Variants in AUTS2 observed in about 807,000 individuals in gnomAD.
The protein encoded by AUTS2 is activator of transcription and developmental regulator AUTS2.
A neutral mutation model predicts 112.4 loss-of-function variants in AUTS2; 17 were observed. That is an observed-to-expected ratio of 0.15 (90% CI 0.10 to 0.23). AUTS2 has a LOEUF of 0.23. AUTS2 is among the 10% of genes least tolerant of loss of function. The pLI is 1.00. For missense variants in AUTS2, 1,510 were observed against 1,701.6 expected (o/e 0.89, Z 1.98); for synonymous variants, 751 against 702.7 (o/e 1.07, Z -1.09).
rs555680116 is a variant in AUTS2 at position 70,486,090 on chromosome 7, C to G, written c.690+50309C>G. 3.9e-5 allele frequency among the ~76,000 whole-genome samples: 6 copies of G among 152,272 alleles called. No homozygotes were observed. The South Asian group carries it at 1.2e-3, about 32-fold the overall frequency. ...TAAACTGTTTTGCAAGGGTTGATGA[C>G]ATTAGGAAAAATAACTCTATTAAAT... is the stretch of plus-strand genomic sequence containing the variant. On this transcript the variant is annotated intron_variant, in intron 5 of 18. Transcript: ENST00000342771.
At chr7:70,278,450 G>T (rs1788043127) in intron 4 of AUTS2, among the ~76,000 whole-genome samples, 1 of 152,118 alleles carries the variant, frequency 6.6e-6, no homozygotes, top group Admixed American at 6.5e-5. Context: ...GGGTGTAGTG[G>T]CACATACCTG....
At chr7:69,794,469 GC>G (rs1356300489) in intron 1 of AUTS2, among the ~76,000 whole-genome samples, 1 of 152,150 alleles carries the variant, frequency 6.6e-6, no homozygotes, top group African/African-American at 2.4e-5. Flanking sequence ...CTGTGTTCTT[GC>G]AGCTGCATTC....
At chr7:70,107,596 C>A (rs1278998702) in intron 2 of AUTS2, among the ~76,000 whole-genome samples, 1 of 150,404 alleles carries the variant, frequency 6.6e-6, no homozygotes, top group Non-Finnish European at 1.5e-5. Flanking sequence ...CCCATCTCGG[C>A]CTCCCAAAGT....
In AUTS2 at chr7:69,718,060, A is replaced by G. The variant is rs138571586; in HGVS notation, c.309+118098A>G. Among the ~76,000 whole-genome samples, 143 of 152,260 alleles carry G rather than the reference A, an allele frequency of 9.4e-4. No individual in the cohort carries two copies. The Middle Eastern group carries it at 0.014, about 14-fold the overall frequency. ...TGGCATATAAAGGCTAATTTTAACA[A>G]TTATATTGCCGTTTATGTTGTTGGT... On this transcript the variant is annotated intron_variant, in intron 1 of 18. Coordinates refer to ENST00000342771, the MANE Select transcript of AUTS2 (RefSeq NM_015570.4).
At chr7:69,630,695 T>G (rs1794189088) in intron 1 of AUTS2, among the ~76,000 whole-genome samples, 1 of 152,204 alleles carries the variant, frequency 6.6e-6, no homozygotes, top group Admixed American at 6.5e-5. Context: ...GGATAAAAAC[T>G]TTAAAGTTTT....
At chr7:70,219,966 A>G (rs546554526) in intron 4 of AUTS2, among the ~76,000 whole-genome samples, 1 of 152,308 alleles carries the variant, frequency 6.6e-6, no homozygotes, top group South Asian at 2.1e-4. Flanking sequence ...CATTAAGTCT[A>G]AGACATACAT....
chr7:69,738,801 CT>C (rs1175633614), intron 1 of AUTS2, among the ~76,000 whole-genome samples: 1 of 151,918 alleles, frequency 6.6e-6, no homozygotes, highest in Admixed American at 6.6e-5. Context: ...TTTTTTTCCT[CT>C]TTGTTGCCCT....
At chr7:69,621,038 G>A (rs1344733772) in intron 1 of AUTS2, among the ~76,000 whole-genome samples, 5 of 152,126 alleles carry the variant, frequency 3.3e-5, no homozygotes, top group African/African-American at 7.2e-5. Flanking sequence ...TGTCAACTTC[G>A]TCTTCACCAT....
At chr7:69,760,474 A>C (rs1262263374) in intron 1 of AUTS2, among the ~76,000 whole-genome samples, 2 of 152,104 alleles carry the variant, frequency 1.3e-5, no homozygotes, top group Non-Finnish European at 2.9e-5. Context: ...AGAGAGACTA[A>C]AATTAGGGCA....
chr7:70,340,253 C>G (rs905172009), intron 4 of AUTS2, among the ~76,000 whole-genome samples: 2 of 151,528 alleles, frequency 1.3e-5, no homozygotes, highest in Admixed American at 1.3e-4. Context: ...AATACCAGTA[C>G]ACATTTTTTT....
Position 70,533,924 on chromosome 7 carries a change from A to C in AUTS2, c.690+98143A>C, listed in dbSNP as rs139188711. ...TTCCTTGGGTGCTGGAAGTACAGTCAGGGAACCCTTGTTCTGTCCACTCTG... is the reference window on the plus strand; with the variant it reads ...TTCCTTGGGTGCTGGAAGTACAGTCCGGGAACCCTTGTTCTGTCCACTCTG... On this transcript the variant is annotated intron_variant, in intron 5 of 18. Transcript: ENST00000342771. 1.7e-3 allele frequency among the ~76,000 whole-genome samples: 264 copies of C among 152,326 alleles called. 2 individuals are homozygous for C. Among genetic ancestry groups the C allele is most frequent in the African/African-American group, 6.1e-3 (254 of 41,580 alleles).
intron 5 of AUTS2, among the ~76,000 whole-genome samples, chr7:70,474,927 G>T (rs1797524630): frequency 6.6e-6 from 1 of 152,160 alleles, no homozygotes; most frequent in Non-Finnish European, 1.5e-5. Context: ...AGATCTGGGG[G>T]CCTGTCTCCA....
intron 4 of AUTS2, among the ~76,000 whole-genome samples, chr7:70,169,733 C>T (rs2129578553): frequency 6.6e-6 from 1 of 152,204 alleles, no homozygotes. Context: ...TTTACTAATG[C>T]CTCAAACTCA....
chr7:70,714,808 C>G (rs967623501), intron 6 of AUTS2, among the ~76,000 whole-genome samples: 2 of 152,202 alleles, frequency 1.3e-5, no homozygotes, highest in Non-Finnish European at 2.9e-5. Context: ...GGCAAGAAAA[C>G]TTCATAGGCA....
chr7:70,388,079 C>A (rs944728011), intron 4 of AUTS2, among the ~76,000 whole-genome samples: 5 of 152,176 alleles, frequency 3.3e-5, no homozygotes, highest in Non-Finnish European at 5.9e-5. Context: ...ATTTACAGGA[C>A]CTTTCTTGTC....
At chr7:69,722,158 A>T (rs911790312) in intron 1 of AUTS2, among the ~76,000 whole-genome samples, 6 of 152,136 alleles carry the variant, frequency 3.9e-5, no homozygotes, top group Non-Finnish European at 7.4e-5. Flanking sequence ...GGGCAAAAAA[A>T]AAAAAAATAA....
Position 69,810,511 on chromosome 7 carries a change from A to T in AUTS2, c.310-88775A>T, listed in dbSNP as rs570874333. 1.4e-4 allele frequency among the ~76,000 whole-genome samples: 22 copies of T among 151,758 alleles called. No individual in the cohort carries two copies. The South Asian group carries it at 4.4e-3, about 30-fold the overall frequency. ...AAAGATCCTTGTCTCCGGGAGCCTC[A>T]GTTTTTTTTTGATCATTGGAACTTC... On this transcript the variant is annotated intron_variant, in intron 1 of 18. Transcript: ENST00000342771.
chr7:70,227,760 GTTGT>G (rs1398277679), intron 4 of AUTS2, among the ~76,000 whole-genome samples: 1 of 151,914 alleles, frequency 6.6e-6, no homozygotes, highest in Non-Finnish European at 1.5e-5. Context: ...AGATTTTCTT[GTTGT>G]TTGTTTCTAA....
intron 6 of AUTS2, among the ~76,000 whole-genome samples, chr7:70,705,647 C>T (rs1378883109): frequency 6.6e-6 from 1 of 152,198 alleles, no homozygotes; most frequent in Non-Finnish European, 1.5e-5. Context: ...CTCCTCCACC[C>T]CACAGACTTG....
Sources: allele counts gnomAD v4.1 joint callset (sites outside exome capture counted in the v4.1 genomes callset), GRCh38; gene constraint gnomAD v4.1.1; transcripts MANE v1.5; gene names NCBI Gene and HGNC (gene_info 2026-07-23, HGNC 2026-07-21).